PITPNC1: variants seen among roughly 807,000 people sequenced by gnomAD.
The protein encoded by PITPNC1 is phosphatidylinositol transfer protein cytoplasmic 1, also known as cytoplasmic phosphatidylinositol transfer protein 1.
PITPNC1 carries 18 observed loss-of-function variants against 44.7 expected under a neutral mutation model. That is an observed-to-expected ratio of 0.40 (90% CI 0.28 to 0.60). The LOEUF is 0.60. Ranked by LOEUF, PITPNC1 falls within the 20% of genes least tolerant of loss-of-function variation. PITPNC1 has a pLI of 0.39. For synonymous variants in PITPNC1, 141 were observed against 149.6 expected (o/e 0.94, Z 0.42); for missense variants, 290 against 418.4 (o/e 0.69, Z 2.68).
chr17:67,490,112 C>CTGTGTGTG (rs71354073), intron 1 of PITPNC1, among the ~76,000 whole-genome samples: 20 of 144,974 alleles, frequency 1.4e-4, no homozygotes, highest in Admixed American at 2.1e-4. Flanking sequence ...ACAGGCTTTT[C>CTGTGTGTG]TGTGTGTGTG....
chr17:67,647,462 GGGTTT>G (rs1407631387), intron 6 of PITPNC1, among the ~76,000 whole-genome samples: 5,666 of 95,992 alleles, frequency 0.059, 182 homozygotes, highest in African/African-American at 0.11. Context: ...AGCTAATTTT[GGGTTT>G]TTTTTTTTTT....
intron 1 of PITPNC1, among the ~76,000 whole-genome samples, chr17:67,511,633 C>T (rs1441140195): frequency 4.6e-5 from 7 of 152,064 alleles, no homozygotes; most frequent in Admixed American, 2.0e-4. Flanking sequence ...TTCAGCCTCC[C>T]GAGTAGCTGG....
intron 1 of PITPNC1, chr17:67,379,302 A>G (rs1363621760): frequency 1.0e-6 from 1 of 985,180 alleles, no homozygotes; most frequent in African/African-American, 1.7e-5. Context: ...GAGAGGGGCG[A>G]TGTGCTTTGG....
chr17:67,692,493 A>G, intron 8 of PITPNC1, 79 bp from the exon 9 acceptor site: 1 of 997,732 alleles, frequency 1.0e-6, no homozygotes, highest in Non-Finnish European at 1.5e-6. Context: ...TAGTTCCTGT[A>G]AAAACAAGGG....
At chr17:67,606,830 G>T (rs1211635076) in intron 5 of PITPNC1, among the ~76,000 whole-genome samples, 1 of 151,964 alleles carries the variant, frequency 6.6e-6, no homozygotes, top group Non-Finnish European at 1.5e-5. Flanking sequence ...AATAAAAAGA[G>T]GTGGAAAGGT....
chr17:67,623,428 G>A (rs561986161), intron 5 of PITPNC1, among the ~76,000 whole-genome samples: 1 of 152,244 alleles, frequency 6.6e-6, no homozygotes, highest in East Asian at 1.9e-4. Flanking sequence ...TGCCCTGGCT[G>A]TAGTACAATG....
intron 1 of PITPNC1, among the ~76,000 whole-genome samples, chr17:67,453,525 C>T (rs2039213218): frequency 6.6e-6 from 1 of 152,120 alleles, no homozygotes; most frequent in East Asian, 1.9e-4. Context: ...TCCCCTCTGC[C>T]CTCTTTCTTT....
chr17:67,570,144 G>C (rs1364536616), intron 4 of PITPNC1, among the ~76,000 whole-genome samples: 1 of 152,154 alleles, frequency 6.6e-6, no homozygotes, highest in Non-Finnish European at 1.5e-5. Flanking sequence ...TTGGCGATTG[G>C]GTTGAGTGAA....
intron 4 of PITPNC1, 176 bp from the exon 5 acceptor site, chr17:67,578,010 A>G: frequency 1.5e-6 from 1 of 658,866 alleles, no homozygotes; most frequent in Non-Finnish European, 2.8e-6. Flanking sequence ...AACTGTGTTC[A>G]TTGTCCTAAA....
chr17:67,503,037 C>T (rs999235881), intron 1 of PITPNC1, among the ~76,000 whole-genome samples: 1 of 152,108 alleles, frequency 6.6e-6, no homozygotes, highest in African/African-American at 2.4e-5. Flanking sequence ...CTCAGGTGAT[C>T]CACCCACCTT....
At chr17:67,474,288 A>G (rs1385610127) in intron 1 of PITPNC1, among the ~76,000 whole-genome samples, 3 of 152,172 alleles carry the variant, frequency 2.0e-5, no homozygotes, top group Non-Finnish European at 4.4e-5. Context: ...AGGAGTTCCA[A>G]CTAATTAGCT....
intron 6 of PITPNC1, among the ~76,000 whole-genome samples, chr17:67,658,092 G>C (rs2042294036): frequency 6.6e-6 from 1 of 152,206 alleles, no homozygotes; most frequent in Non-Finnish European, 1.5e-5. Flanking sequence ...CAGACCCACT[G>C]TGCAGGACCT....
intron 4 of PITPNC1, among the ~76,000 whole-genome samples, chr17:67,556,166 G>T (rs1253649979): frequency 6.6e-6 from 1 of 152,188 alleles, no homozygotes; most frequent in East Asian, 1.9e-4. Context: ...AATCCAACCA[G>T]ATAAAGCAGT....
At chr17:67,414,792 GA>G in intron 1 of PITPNC1, among the ~76,000 whole-genome samples, 1 of 152,198 alleles carries the variant, frequency 6.6e-6, no homozygotes, top group East Asian at 1.9e-4. Context: ...GGGCAAAGGG[GA>G]AGGTCCAGTT....
intron 6 of PITPNC1, among the ~76,000 whole-genome samples, chr17:67,655,842 A>T (rs1479670871): frequency 1.3e-5 from 2 of 151,998 alleles, no homozygotes; most frequent in South Asian, 4.2e-4. Flanking sequence ...AGGTGAGAGG[A>T]TCACTTGAGC....
At chr17:67,554,253 ATTTTTTTTTT>A (rs11413972) in intron 4 of PITPNC1, among the ~76,000 whole-genome samples, 2 of 111,128 alleles carry the variant, frequency 1.8e-5, no homozygotes, top group Non-Finnish European at 3.6e-5. Context: ...ATAGTTTATG[ATTTTTTTTTT>A]TTTTTTTTTT....
rs969953784 is a variant in PITPNC1, at chr17:67,525,745, C to T, written c.49-7057C>T. ...CTTTGAGGTCCAGCAGAGGTAACAG[C>T]GGAGAAAGCTGGAAGAAAGGCTTCA... On this transcript the variant is annotated intron_variant, in intron 1 of 8. Transcript: ENST00000581322. Among the ~76,000 whole-genome samples the T allele has an allele frequency of 3.3e-5, 5 of 152,200 alleles. 1 individual carries two copies. The highest frequency in any genetic ancestry group is 6.8e-3 in the Middle Eastern group (2 of 294).
intron 1 of PITPNC1, among the ~76,000 whole-genome samples, chr17:67,448,579 C>T (rs1000810280): frequency 6.6e-6 from 1 of 152,184 alleles, no homozygotes; most frequent in Non-Finnish European, 1.5e-5. Flanking sequence ...CTCCGTTTCT[C>T]CGCTCCACTG....
intron 1 of PITPNC1, among the ~76,000 whole-genome samples, chr17:67,530,395 C>A (rs1208120175): frequency 6.6e-6 from 1 of 152,054 alleles, no homozygotes; most frequent in East Asian, 1.9e-4. Context: ...CTGACCAACC[C>A]TTGGCTTTAT....
Sources: allele counts gnomAD v4.1 joint callset (sites outside exome capture counted in the v4.1 genomes callset), GRCh38; gene constraint gnomAD v4.1.1; transcripts MANE v1.5; gene names NCBI Gene and HGNC (gene_info 2026-07-23, HGNC 2026-07-21).